FRMD5: variants seen among roughly 807,000 people sequenced by gnomAD.
FRMD5 encodes the protein FERM domain containing 5.
A neutral mutation model predicts 69.0 loss-of-function variants in FRMD5; 20 were observed. The observed-to-expected ratio is 0.29, with a 90% CI of 0.20 to 0.42. FRMD5 has a LOEUF of 0.42. Ranked by LOEUF, FRMD5 falls within the 10% of genes least tolerant of loss-of-function variation. FRMD5 has a pLI of 1.00. For missense variants in FRMD5, 595 were observed against 708.6 expected, an observed-to-expected ratio of 0.84 and a Z score of 1.82; for synonymous variants, 271 against 260.1, an observed-to-expected ratio of 1.04 and a Z score of -0.40.
chr15:43,879,672 G>A, intron 13 of FRMD5: 2 of 399,102 alleles, frequency 5.0e-6, no homozygotes, highest in Non-Finnish European at 8.8e-6. Flanking sequence ...CTTCCCCATG[G>A]TGGCCCAGGA....
At chr15:43,908,940 G>C (rs930295861) in intron 5 of FRMD5, among the ~76,000 whole-genome samples, 1 of 152,176 alleles carries the variant, frequency 6.6e-6, no homozygotes, top group Admixed American at 6.5e-5. Context: ...AAAAAATCAA[G>C]TCTGATTACA....
intron 1 of FRMD5, among the ~76,000 whole-genome samples, chr15:44,181,624 G>A (rs2078002805): frequency 6.6e-6 from 1 of 152,092 alleles, no homozygotes; most frequent in African/African-American, 2.4e-5. Context: ...ATCATAAGCT[G>A]GGCACGGTGG....
chr15:43,905,942 C>T lies in FRMD5; in HGVS notation c.437G>A (p.Gly146Glu), dbSNP rs760715241. ...LAAYILQAEI[G>E]DYDSGKHPEG... is the part of the protein sequence containing the mutation. ...AGGGTGTTTCCCTGAGTCATAATCCCCAATCTCCGCTTTCAAAAGGAAGGT... is the reference window on the plus strand; with the variant it reads ...AGGGTGTTTCCCTGAGTCATAATCCTCAATCTCCGCTTTCAAAAGGAAGGT... Residue 146 changes from glycine to glutamate, a missense_variant, in exon 6 of 14, where the codon GGG (glycine) becomes GAG (glutamate). Coordinates refer to ENST00000417257, the MANE Select transcript of FRMD5 (RefSeq NM_032892.5). 2.5e-6 allele frequency: 4 copies of T among 1,614,164 alleles called. No individual in the cohort carries two copies. Among genetic ancestry groups the T allele is most frequent in the Non-Finnish European group, 3.4e-6 (4 of 1,180,014 alleles).
intron 1 of FRMD5, among the ~76,000 whole-genome samples, chr15:44,055,134 A>G (rs1453281428): frequency 1.3e-5 from 2 of 152,078 alleles, no homozygotes; most frequent in East Asian, 3.9e-4. Context: ...GCACTGCTCA[A>G]AGGCACCTGG....
At chr15:43,907,034 A>T (rs1181656492) in intron 5 of FRMD5, among the ~76,000 whole-genome samples, 1 of 152,104 alleles carries the variant, frequency 6.6e-6, no homozygotes, top group Non-Finnish European at 1.5e-5. Context: ...AGGGCAGAAG[A>T]CCCACGGTAC....
At chr15:43,923,135 T>A (rs1022091193) in intron 2 of FRMD5, among the ~76,000 whole-genome samples, 1 of 152,214 alleles carries the variant, frequency 6.6e-6, no homozygotes, top group Non-Finnish European at 1.5e-5. Context: ...GCTGGGCAAA[T>A]GGACGTAAGA....
chr15:43,995,279 G>C (rs764112288), intron 1 of FRMD5, among the ~76,000 whole-genome samples: 121 of 152,186 alleles, frequency 8.0e-4, no homozygotes, highest in Non-Finnish European at 1.5e-3. Context: ...AAAAAAGTCT[G>C]TACATGTTTA....
chr15:44,109,531 G>C (rs1019152685), intron 1 of FRMD5, among the ~76,000 whole-genome samples: 12 of 151,928 alleles, frequency 7.9e-5, no homozygotes, highest in Non-Finnish European at 1.2e-4. Context: ...TGAGCAGAAA[G>C]TACAGAGTTC....
At chr15:43,908,569 G>A (rs1325194401) in intron 5 of FRMD5, among the ~76,000 whole-genome samples, 1 of 152,190 alleles carries the variant, frequency 6.6e-6, no homozygotes, top group Non-Finnish European at 1.5e-5. Context: ...CCAACTAAGA[G>A]TTCAAATTCT....
intron 6 of FRMD5, among the ~76,000 whole-genome samples, chr15:43,905,376 A>G (rs2089146280): frequency 6.6e-6 from 1 of 152,008 alleles, no homozygotes; most frequent in African/African-American, 2.4e-5. Context: ...GCCTCACGTG[A>G]TCCACCTGCC....
At chr15:44,024,643 AT>A in intron 1 of FRMD5, among the ~76,000 whole-genome samples, 1 of 152,170 alleles carries the variant, frequency 6.6e-6, no homozygotes, top group Non-Finnish European at 1.5e-5. Flanking sequence ...GAATTGGTTC[AT>A]TTTTTAAAAA....
In FRMD5 at chr15:44,127,766, G is replaced by A. The variant is rs117552962; in HGVS notation, c.102+67187C>T. Among the ~76,000 whole-genome samples the A allele has an allele frequency of 1.5e-4, 23 of 152,232 alleles. No individual in the cohort carries two copies. The East Asian group carries it at 4.1e-3, about 27-fold the overall frequency. On this transcript the variant is annotated intron_variant, in intron 1 of 13. Coordinates refer to ENST00000417257, the MANE Select transcript of FRMD5 (RefSeq NM_032892.5). ...GCACACCTGTAGTCCCAGCTACTTG[G>A]AAGGCTGAGGTGGGAGGGCCGCTTG...
At chr15:43,924,674 G>A (rs1029565727) in intron 1 of FRMD5, among the ~76,000 whole-genome samples, 1 of 152,142 alleles carries the variant, frequency 6.6e-6, no homozygotes, top group Non-Finnish European at 1.5e-5. Context: ...AGCCTCTAAA[G>A]TAAATCTTGA....
chr15:43,905,531 T>A (rs2089149838), intron 6 of FRMD5, among the ~76,000 whole-genome samples: 1 of 152,226 alleles, frequency 6.6e-6, no homozygotes. Flanking sequence ...AATATCATAG[T>A]GAGGCAGATG....
At chr15:43,972,178 C>T (rs952331563) in intron 1 of FRMD5, among the ~76,000 whole-genome samples, 1 of 151,402 alleles carries the variant, frequency 6.6e-6, no homozygotes, top group Non-Finnish European at 1.5e-5. Context: ...TGTAGCAGAG[C>T]TCACACCTTG....
At chr15:43,941,715 C>G (rs2089866565) in intron 1 of FRMD5, among the ~76,000 whole-genome samples, 1 of 152,230 alleles carries the variant, frequency 6.6e-6, no homozygotes, top group Admixed American at 6.5e-5. Flanking sequence ...TTCAGACTGG[C>G]CAGCAGAACT....
intron 1 of FRMD5, among the ~76,000 whole-genome samples, chr15:44,059,303 T>C (rs1185193606): frequency 6.6e-6 from 1 of 151,462 alleles, no homozygotes; most frequent in Non-Finnish European, 1.5e-5. Context: ...GGACAGAACA[T>C]GCACATTTCA....
intron 1 of FRMD5, among the ~76,000 whole-genome samples, chr15:44,033,772 G>A (rs1210126567): frequency 1.3e-5 from 2 of 152,166 alleles, no homozygotes; most frequent in Non-Finnish European, 2.9e-5. Context: ...CTTAGTAACT[G>A]GGTGAGTTGG....
At chr15:44,161,139 A>G (rs1037813606) in intron 1 of FRMD5, among the ~76,000 whole-genome samples, 1 of 152,170 alleles carries the variant, frequency 6.6e-6, no homozygotes, top group Non-Finnish European at 1.5e-5. Context: ...TGAGTTAACA[A>G]TAAATGTAGA....
Sources: allele counts gnomAD v4.1 joint callset (sites outside exome capture counted in the v4.1 genomes callset), GRCh38; gene constraint gnomAD v4.1.1; transcripts MANE v1.5; gene names NCBI Gene and HGNC (gene_info 2026-07-23, HGNC 2026-07-21).